The following CCNY variants were observed in gnomAD, a reference collection of about 807,000 sequenced individuals.
CCNY encodes cyclin-Y.
A neutral mutation model predicts 42.8 loss-of-function variants in CCNY; 19 were observed. The ratio of observed to expected loss-of-function variants is 0.44; its 90% CI spans 0.31 to 0.65. CCNY has a LOEUF of 0.65. Among genes scored for constraint, CCNY ranks in the 30% least tolerant of loss-of-function variants. The pLI is 0.07. For missense variants in CCNY, 370 were observed against 437.3 expected, an observed-to-expected ratio of 0.85 and a Z score of 1.37; for synonymous variants, 165 against 162.7, an observed-to-expected ratio of 1.01 and a Z score of -0.11.
intron 9 of CCNY, among the ~76,000 whole-genome samples, chr10:35,568,438 A>G (rs970745607): frequency 6.6e-6 from 1 of 152,240 alleles, no homozygotes; most frequent in East Asian, 1.9e-4. Flanking sequence ...AGTTGTTGCC[A>G]GAGTAGCATG....
intron 1 of CCNY, among the ~76,000 whole-genome samples, chr10:35,401,961 T>C (rs949135627): frequency 1.3e-5 from 2 of 152,318 alleles, no homozygotes; most frequent in South Asian, 4.1e-4. Context: ...GCCATCTGGA[T>C]GTATATGTGC....
intron 3 of CCNY, among the ~76,000 whole-genome samples, chr10:35,279,312 C>T (rs1835273639): frequency 2.0e-5 from 3 of 151,976 alleles, no homozygotes; most frequent in Admixed American, 2.0e-4. Context: ...TGGGGTTTCA[C>T]CATGTTGGCC....
intron 1 of CCNY, among the ~76,000 whole-genome samples, chr10:35,448,841 T>C (rs1838849934): frequency 6.6e-6 from 1 of 151,990 alleles, no homozygotes; most frequent in Non-Finnish European, 1.5e-5. Flanking sequence ...CTAATGCAGT[T>C]TTGGCAGGAT....
chr10:35,439,077 T>C (rs1376592433), intron 1 of CCNY, among the ~76,000 whole-genome samples: 2 of 152,212 alleles, frequency 1.3e-5, no homozygotes, highest in Non-Finnish European at 2.9e-5. Flanking sequence ...TTTGGCTGCT[T>C]TGAGGAATTT....
Position 35,568,036 on chromosome 10 carries a change from GT to G in CCNY, c.910-1017del, listed in dbSNP as rs112293908. Reference sequence around the variant, plus strand: ...TGTGCTGTGGTCCCTGGTCCCCCTCGTCACCAGCTATGGCTCTAGTGGCTGC... The same window carrying G: ...TGTGCTGTGGTCCCTGGTCCCCCTCGCACCAGCTATGGCTCTAGTGGCTGC... On this transcript the variant is annotated intron_variant, in intron 9 of 9. Transcript: ENST00000374704. Among the ~76,000 whole-genome samples, 513 of 152,304 alleles carry G rather than the reference GT, an allele frequency of 3.4e-3. 4 individuals are homozygous for G. Among genetic ancestry groups the G allele is most frequent in the African/African-American group, 0.012 (483 of 41,564 alleles).
chr10:35,290,795 A>T (rs1220838040), intron 3 of CCNY, among the ~76,000 whole-genome samples: 1 of 152,114 alleles, frequency 6.6e-6, no homozygotes, highest in African/African-American at 2.4e-5. Flanking sequence ...GACCCTGTCT[A>T]TACGAAAAAA....
intron 2 of CCNY, among the ~76,000 whole-genome samples, chr10:35,497,528 A>G (rs1272938892): frequency 6.6e-6 from 1 of 152,130 alleles, no homozygotes; most frequent in Admixed American, 6.6e-5. Flanking sequence ...ACTTGAGGTG[A>G]GGAGTTCGAG....
intron 1 of CCNY, among the ~76,000 whole-genome samples, chr10:35,476,230 CAGAA>C (rs1428552077): frequency 6.6e-6 from 1 of 152,174 alleles, no homozygotes; most frequent in African/African-American, 2.4e-5. Context: ...ATCAACGAGA[CAGAA>C]AGTCAATAAG....
At chr10:35,317,696 G>A (rs1589033316) in intron 3 of CCNY, among the ~76,000 whole-genome samples, 1 of 152,316 alleles carries the variant, frequency 6.6e-6, no homozygotes, top group South Asian at 2.1e-4. Flanking sequence ...CTGCTGTGGA[G>A]GAAGCAGCAC....
rs908120698 is a variant in CCNY, at chr10:35,562,269, T to TA, written c.747-3753dup. On this transcript the variant is annotated intron_variant, in intron 8 of 9. Coordinates refer to ENST00000374704, the MANE Select transcript of CCNY (RefSeq NM_145012.6). ...GAAAGAACTTCAGTTCCTCTGTAGA[T>TA]ACCTGGTTTCTGGTGGTGTTTTGTT... is the stretch of plus-strand genomic sequence containing the variant. Among the ~76,000 whole-genome samples the TA allele has an allele frequency of 1.7e-4, 26 of 152,256 alleles. 1 individual carries two copies. The highest frequency in any genetic ancestry group is 1.5e-5 in the Non-Finnish European group (1 of 68,036).
chr10:35,547,220 C>A (rs980651289), intron 7 of CCNY, among the ~76,000 whole-genome samples: 1 of 152,114 alleles, frequency 6.6e-6, no homozygotes, highest in African/African-American at 2.4e-5. Context: ...CAATTATGAT[C>A]TAAAACATTA....
intron 3 of CCNY, among the ~76,000 whole-genome samples, chr10:35,510,209 C>A (rs995666225): frequency 2.6e-5 from 4 of 152,004 alleles, no homozygotes. Context: ...AATAATACTT[C>A]ATTTTATTTA....
intron 1 of CCNY, among the ~76,000 whole-genome samples, chr10:35,411,512 CAAA>C (rs59117826): frequency 1.8e-4 from 11 of 61,388 alleles, no homozygotes; most frequent in Non-Finnish European, 2.2e-4. Context: ...AAGACTCTGT[CAAA>C]AAAAAAAAAA....
chr10:35,270,415 C>G (rs1565059008), intron 3 of CCNY, among the ~76,000 whole-genome samples: 1 of 152,152 alleles, frequency 6.6e-6, no homozygotes, highest in African/African-American at 2.4e-5. Flanking sequence ...GAGGAATTAC[C>G]AATGTGTCCT....
chr10:35,423,214 C>A (rs761650250), intron 1 of CCNY, among the ~76,000 whole-genome samples: 11 of 152,062 alleles, frequency 7.2e-5, no homozygotes, highest in Non-Finnish European at 1.2e-4. Flanking sequence ...GTAGCTCACA[C>A]CTGTAATGTC....
At chr10:35,419,292 A>T (rs553860300) in intron 1 of CCNY, among the ~76,000 whole-genome samples, 4 of 152,174 alleles carry the variant, frequency 2.6e-5, no homozygotes, top group Non-Finnish European at 4.4e-5. Flanking sequence ...ATGTGGTTTG[A>T]TGTGAAGGAA....
At chr10:35,558,248 T>G (rs1211749745) in intron 8 of CCNY, among the ~76,000 whole-genome samples, 1 of 152,064 alleles carries the variant, frequency 6.6e-6, no homozygotes, top group Non-Finnish European at 1.5e-5. Flanking sequence ...TAAGGGCAGG[T>G]GAGCAGCCTG....
At chr10:35,340,847 C>G (rs1432894615) in intron 1 of CCNY, among the ~76,000 whole-genome samples, 2 of 152,184 alleles carry the variant, frequency 1.3e-5, no homozygotes, top group African/African-American at 2.4e-5. Context: ...CTTGACAACT[C>G]ACTTTCTCCC....
chr10:35,479,003 A>G (rs1839590704), intron 1 of CCNY, among the ~76,000 whole-genome samples: 1 of 152,288 alleles, frequency 6.6e-6, no homozygotes, highest in Non-Finnish European at 1.5e-5. Flanking sequence ...ACACGTGAAA[A>G]AATGCTCACC....
Sources: allele counts gnomAD v4.1 joint callset (sites outside exome capture counted in the v4.1 genomes callset), GRCh38; gene constraint gnomAD v4.1.1; transcripts MANE v1.5; gene names NCBI Gene and HGNC (gene_info 2026-07-23, HGNC 2026-07-21).